PLEKHA4: variants seen among roughly 807,000 people sequenced by gnomAD.
PLEKHA4 encodes pleckstrin homology domain containing A4, also known as pleckstrin homology domain-containing family A member 4.
A neutral mutation model predicts 94.7 loss-of-function variants in PLEKHA4; 73 were observed. That is an observed-to-expected ratio of 0.77 (90% CI 0.64 to 0.94). The LOEUF (loss-of-function observed/expected upper bound fraction) is 0.94. PLEKHA4 is among the 40% of genes least tolerant of loss of function. PLEKHA4 has a pLI of 0.00. For synonymous variants in PLEKHA4, 449 were observed against 437.1 expected (o/e 1.03, Z -0.34); for missense variants, 1,049 against 1,054.1 (o/e 1.00, Z 0.07).
chr19:48,839,238 TG>T lies in PLEKHA4; in HGVS notation c.1930del (p.Gln644ArgfsTer47). 1 of 1,596,552 alleles carries T rather than the reference TG, an allele frequency of 6.3e-7. No individual in the cohort carries two copies. On this transcript the variant is annotated frameshift_variant, in exon 18 of 20. Coordinates refer to ENST00000263265, the MANE Select transcript of PLEKHA4 (RefSeq NM_020904.3). LOFTEE classifies it high-confidence loss of function. ...GGACCCAGAGCTTCTGAGCCATTTC[TG>T]GGCTCCCGAGTGTCCTACGACAGGC... is the stretch of plus-strand genomic sequence containing the variant. ...QRPVVGHSGAQKWLRSSGSWS... is the reference protein window; with the variant it reads ...QRPVVGHSGAXKWLRSSGSWS...
At chr19:48,865,421 A>G (rs1285005294) in intron 3 of PLEKHA4, 82 bp downstream of exon 3, 2 of 951,686 alleles carry the variant, frequency 2.1e-6, no homozygotes, top group Admixed American at 4.3e-5. Flanking sequence ...AAGAAAGCCT[A>G]TTTGGGGACT....
In PLEKHA4 at chr19:48,847,921, G is replaced by C. The variant is rs774190577; in HGVS notation, c.1545C>G (p.Gly515=). 7 of 1,588,334 alleles carry C rather than the reference G, an allele frequency of 4.4e-6. No individual in the cohort carries two copies. Among genetic ancestry groups the C allele is most frequent in the Non-Finnish European group, 5.1e-6 (6 of 1,167,916 alleles). The change falls in exon 14 of 20, where the codon GGC becomes GGG. Residue 515 remains glycine (G), a synonymous_variant. Transcript: ENST00000263265. ...TTACCTCCCTCTCTGAGGACTCCTC[G>C]CCCTGGAGCACGGGAGATGGGGAGT... ...EPDSPSPVLQ[G]EESSERESLP... is the part of the protein sequence containing the mutation.
chr19:48,866,659 T>C (rs971538584), intron 2 of PLEKHA4, among the ~76,000 whole-genome samples: 10 of 152,016 alleles, frequency 6.6e-5, no homozygotes, highest in African/African-American at 1.9e-4. Context: ...AGGAAGAGGC[T>C]GTAGGGAAGC....
chr19:48,852,043 A>T lies in PLEKHA4; in HGVS notation c.1425+185T>A, dbSNP rs148248855. 2.6e-3 allele frequency among the ~76,000 whole-genome samples: 402 copies of T among 151,724 alleles called. 1 individual carries two copies. Among genetic ancestry groups the T allele is most frequent in the African/African-American group, 7.4e-3 (305 of 41,370 alleles). Reference sequence around the variant, plus strand: ...AATTAAAATTTTAATGAGAGAATTTAAAAAAAAACCCCAAAGGGCATGGTC... The same window carrying T: ...AATTAAAATTTTAATGAGAGAATTTTAAAAAAAACCCCAAAGGGCATGGTC... On this transcript the variant is annotated intron_variant, in intron 13 of 19. Transcript: ENST00000263265.
chr19:48,867,345 A>T lies in PLEKHA4; in HGVS notation c.84+192T>A, dbSNP rs1047664354. ...TCTGGTTTAGAATTAGGAAAATACA[A>T]AGGGTGGGGACAGAGCTGGGAGTGC... is the stretch of plus-strand genomic sequence containing the variant. On this transcript the variant is annotated intron_variant, in intron 2 of 19. Coordinates refer to ENST00000263265, the MANE Select transcript of PLEKHA4 (RefSeq NM_020904.3). This position sits in a 1 kb window ranked among gnomAD's most constrained non-coding sequence, Gnocchi z 4.7. Among the ~76,000 whole-genome samples the T allele has an allele frequency of 6.6e-6, 1 of 152,128 alleles. No individual in the cohort carries two copies. The highest frequency in any genetic ancestry group is 2.4e-5 in the African/African-American group (1 of 41,444).
intron 13 of PLEKHA4, among the ~76,000 whole-genome samples, chr19:48,851,202 G>C (rs1214220071): frequency 6.6e-6 from 1 of 152,174 alleles, no homozygotes; most frequent in Non-Finnish European, 1.5e-5. Context: ...ATAAATGCTT[G>C]AGGGGATGGA....
Position 48,852,343 on chromosome 19 carries a change from G to C in PLEKHA4, c.1327-17C>G, listed in dbSNP as rs138349594. 6 of 1,598,604 alleles carry C rather than the reference G, an allele frequency of 3.8e-6. No homozygotes were observed. The highest frequency in any genetic ancestry group is 1.7e-5 in the Admixed American group (1 of 59,938). On this transcript the variant is annotated splice_polypyrimidine_tract_variant and intron_variant, in intron 12 of 19. Transcript: ENST00000263265. ...CTCTCGCTCCTCAGGTTGCATAAAG[G>C]GGGAGACATAGGTTAGGTCCCTCTC...
chr19:48,860,110 T>C (rs760584681), intron 6 of PLEKHA4: 2 of 584,456 alleles, frequency 3.4e-6, no homozygotes, highest in Non-Finnish European at 6.1e-6. Context: ...CAGAGCTGAG[T>C]GCGTGACTGA....
rs2036526517 is a variant in PLEKHA4, at chr19:48,858,891, G to C, written c.941C>G (p.Pro314Arg). Reference protein sequence around the residue: ...EAGGGKPPRSPQHWSQEPRTQ... With the variant: ...EAGGGKPPRSRQHWSQEPRTQ... ...TCTGGGCTCCTGACTCCAGTGCTGG[G>C]GACTCCTGGGGGGCTTTCCTCCCCC... The change falls in exon 8 of 20, where the codon CCC becomes CGC. Residue 314 changes from proline to arginine, a missense_variant. Transcript: ENST00000263265. The C allele has an allele frequency of 6.2e-7, 1 of 1,609,072 alleles. No homozygotes were observed. The highest frequency in any genetic ancestry group is 1.3e-5 in the African/African-American group (1 of 74,494).
intron 9 of PLEKHA4, among the ~76,000 whole-genome samples, chr19:48,855,925 C>T (rs971108926): frequency 5.9e-5 from 9 of 151,942 alleles, no homozygotes; most frequent in African/African-American, 2.2e-4. Context: ...GTAATCCCAG[C>T]ATTTTGGGAG....
chr19:48,859,499 C>G lies in PLEKHA4; in HGVS notation c.662G>C (p.Gly221Ala). ...GCTCCTCGCCCTCCGCATCTGGAGT[C>G]CAGAGTGGAGGTCGGTTGTGGGGCT... ...TPSPTTDLHS[G>A]LQMRRARSPD... The change falls in exon 7 of 20, where the codon GGA becomes GCA. Residue 221 changes from glycine to alanine, a missense_variant. Transcript: ENST00000263265. The G allele has an allele frequency of 6.2e-7, 1 of 1,614,028 alleles. No individual in the cohort carries two copies. The highest frequency in any genetic ancestry group is 8.5e-7 in the Non-Finnish European group (1 of 1,180,026).
intron 16 of PLEKHA4, among the ~76,000 whole-genome samples, chr19:48,844,120 T>G (rs1052553366): frequency 0.02 from 125 of 6,200 alleles, no homozygotes; most frequent in African/African-American, 0.08. Context: ...CTTATTTATT[T>G]TATTATTATT....
intron 13 of PLEKHA4, among the ~76,000 whole-genome samples, chr19:48,850,448 G>A (rs1056186087): frequency 2.4e-4 from 36 of 152,080 alleles, no homozygotes; most frequent in Admixed American, 7.2e-4. Context: ...AGGTTGCAGT[G>A]AGTCGAGATT....
intron 4 of PLEKHA4, 57 bp from the exon 5 acceptor site, chr19:48,861,558 G>C: frequency 1.2e-6 from 2 of 1,612,446 alleles, no homozygotes; most frequent in Non-Finnish European, 1.7e-6. Context: ...CAAGATGCTA[G>C]AGAGAAGGGC....
At position 48,858,954 on chromosome 19, in the gene PLEKHA4, C is replaced by G. The variant is rs372903958; in HGVS notation, c.878G>C (p.Arg293Pro). The G allele has an allele frequency of 2.0e-4, 313 of 1,590,376 alleles. 2 individuals carry two copies. The South Asian group carries it at 2.5e-3, about 13-fold the overall frequency. The change falls in exon 8 of 20, where the codon CGA becomes CCA. Residue 293 changes from arginine to proline, a missense_variant. Physicochemically the swap from Arg to Pro is moderately radical, Grantham distance 103. Transcript: ENST00000263265. ...AGGTCCTCGGCGGGGAGTAGGGGGT[C>G]GGGAGAGGGTCTGGCGTTGGGGGCC... ...DWGPQRQTLS[R>P]PPTPRRGPPS...
At chr19:48,859,977 A>G in intron 6 of PLEKHA4, 2 of 569,334 alleles carry the variant, frequency 3.5e-6, no homozygotes, top group East Asian at 3.0e-5. Context: ...TCAGAGCCTA[A>G]GAGATAGTCT....
At chr19:48,859,260 T>G (rs2036547033) in intron 7 of PLEKHA4, 121 bp from the exon 8 acceptor site, 1 of 936,738 alleles carries the variant, frequency 1.1e-6, no homozygotes, top group Admixed American at 2.6e-5. Flanking sequence ...TCCCACTGGG[T>G]TAGAATCCTC....
At position 48,847,978 on chromosome 19, in the gene PLEKHA4, G is replaced by A. The variant is rs749641105; in HGVS notation, c.1488C>T (p.Gly496=). ...MVEDTLAGLG[G]PQKPPPHTEP... Reference sequence around the variant, plus strand: ...CAGTGTGTGGGGGCGGTTTCTGGGGGCCACCCAGACCTGCCAGCGTGTCTT... The same window carrying A: ...CAGTGTGTGGGGGCGGTTTCTGGGGACCACCCAGACCTGCCAGCGTGTCTT... Residue 496 remains glycine, a synonymous_variant, in exon 14 of 20, where the codon GGC becomes GGT. Transcript: ENST00000263265. The A allele has an allele frequency of 3.1e-6, 5 of 1,613,006 alleles. No individual in the cohort carries two copies. Among genetic ancestry groups the A allele is most frequent in the African/African-American group, 2.7e-5 (2 of 74,882 alleles).
At chr19:48,848,086 G>A (rs1397046407) in intron 13 of PLEKHA4, 46 bp from the exon 14 acceptor site, 9 of 1,596,324 alleles carry the variant, frequency 5.6e-6, no homozygotes, top group Non-Finnish European at 7.7e-6. Context: ...GGAAAACGCA[G>A]GAGGGTTTCA....
Sources: gnomAD v4.1 joint callset for allele counts (sites outside exome capture counted in the v4.1 genomes callset) on GRCh38, gnomAD v4.1.1 for gene constraint, Gnocchi (gnomAD v3.1) non-coding constraint, MANE v1.5 for transcripts, NCBI Gene and HGNC (gene_info 2026-07-23, HGNC 2026-07-21) for gene names.